Variants in KATNAL1 observed in about 807,000 individuals in gnomAD.
KATNAL1 encodes the protein katanin catalytic subunit A1 like 1, also known as katanin p60 ATPase-containing subunit A-like 1.
Under a neutral mutation model 55.2 loss-of-function variants are expected in KATNAL1, and 32 were observed. The ratio of observed to expected loss-of-function variants is 0.58; its 90% CI spans 0.44 to 0.78. The LOEUF (loss-of-function observed/expected upper bound fraction) is 0.78, where lower values mean the gene tolerates loss of function less well. Ranked by LOEUF, KATNAL1 falls within the 30% of genes least tolerant of loss-of-function variation. The pLI is 0.00. For synonymous variants in KATNAL1, 193 were observed against 193.6 expected, an observed-to-expected ratio of 1.00 and a Z score of 0.02; for missense variants, 466 against 600.9, an observed-to-expected ratio of 0.78 and a Z score of 2.35.
In KATNAL1 at chr13:30,258,897, G is replaced by T. The variant is rs547054197; in HGVS notation, c.324-3282C>A. Among the ~76,000 whole-genome samples, 137 of 152,088 alleles carry T rather than the reference G, an allele frequency of 9.0e-4. 1 individual carries two copies. The highest frequency in any genetic ancestry group is 3.2e-3 in the African/African-American group (132 of 41,472). On this transcript the variant is annotated intron_variant, in intron 3 of 10. Transcript: ENST00000380615. ...AATTTAATCATTAAGGATAACTTCTGGTTCTAAAAAGGACTTTAGAATTTT... is the reference window on the plus strand; with the variant it reads ...AATTTAATCATTAAGGATAACTTCTTGTTCTAAAAAGGACTTTAGAATTTT...
chr13:30,291,431 GAT>G lies in KATNAL1; in HGVS notation c.-14-7642_-14-7641del, dbSNP rs555299299. Among the ~76,000 whole-genome samples the G allele has an allele frequency of 7.2e-5, 11 of 152,300 alleles. No individual in the cohort carries two copies. The South Asian group carries it at 2.3e-3, about 32-fold the overall frequency. On this transcript the variant is annotated intron_variant, in intron 1 of 10. Coordinates refer to ENST00000380615, the MANE Select transcript of KATNAL1 (RefSeq NM_032116.5). Reference sequence around the variant, plus strand: ...GAATTAAAGATGACCTAAATTAATAGATATGTGTGTATGTGTTTATGAATAAA... The same window carrying G: ...GAATTAAAGATGACCTAAATTAATAGATGTGTGTATGTGTTTATGAATAAA...
At chr13:30,287,050 T>C (rs1881835187) in intron 1 of KATNAL1, among the ~76,000 whole-genome samples, 2 of 152,160 alleles carry the variant, frequency 1.3e-5, no homozygotes, top group African/African-American at 2.4e-5. Flanking sequence ...TAACTTGCTT[T>C]TGAAGCAGGC....
At chr13:30,262,194 G>T (rs867728312) in intron 3 of KATNAL1, among the ~76,000 whole-genome samples, 1,524 of 151,616 alleles carry the variant, frequency 0.01, 23 homozygotes, top group African/African-American at 0.034. Context: ...CAACATACCA[G>T]AATCTCTGGG....
chr13:30,223,325 C>T (rs142088606), intron 9 of KATNAL1, among the ~76,000 whole-genome samples: 5 of 150,432 alleles, frequency 3.3e-5, no homozygotes, highest in African/African-American at 7.3e-5. Flanking sequence ...GCCTGTGGTC[C>T]CAGCTACTCG....
intron 3 of KATNAL1, 141 bp from the exon 4 acceptor site, chr13:30,255,756 G>A (rs1476832350): frequency 1.4e-6 from 1 of 700,334 alleles, no homozygotes; most frequent in African/African-American, 1.9e-5. Flanking sequence ...CCAATTCATG[G>A]CCACAACTAT....
At chr13:30,272,615 TTC>T (rs1555265312) in intron 3 of KATNAL1, among the ~76,000 whole-genome samples, 1 of 152,094 alleles carries the variant, frequency 6.6e-6, no homozygotes, top group Non-Finnish European at 1.5e-5. Context: ...GAATTATAAT[TTC>T]TGTCTTTCAG....
At chr13:30,234,942 T>C (rs1029237769) in intron 6 of KATNAL1, among the ~76,000 whole-genome samples, 1 of 152,138 alleles carries the variant, frequency 6.6e-6, no homozygotes, top group Non-Finnish European at 1.5e-5. Context: ...GCCCCCTATA[T>C]AGTTTATGCC....
chr13:30,301,903 ACT>A (rs1414186411), intron 1 of KATNAL1, among the ~76,000 whole-genome samples: 5 of 152,072 alleles, frequency 3.3e-5, no homozygotes, highest in Admixed American at 3.3e-4. Context: ...GCAAGGTCTC[ACT>A]CTGTCGCCCA....
intron 9 of KATNAL1, among the ~76,000 whole-genome samples, chr13:30,219,503 A>G (rs1258297959): frequency 6.6e-6 from 1 of 152,224 alleles, no homozygotes; most frequent in African/African-American, 2.4e-5. Context: ...GTTTTACTGC[A>G]GTTAGGGTAA....
At chr13:30,259,991 G>A (rs2137474218) in intron 3 of KATNAL1, among the ~76,000 whole-genome samples, 1 of 152,348 alleles carries the variant, frequency 6.6e-6, no homozygotes, top group South Asian at 2.1e-4. Flanking sequence ...GCTTTGAAGA[G>A]AGCAGTGGTT....
At chr13:30,252,500 G>A (rs901276371) in intron 4 of KATNAL1, among the ~76,000 whole-genome samples, 3 of 151,988 alleles carry the variant, frequency 2.0e-5, no homozygotes, top group Non-Finnish European at 4.4e-5. Context: ...TTCTGACCCA[G>A]GCACAAAGTA....
chr13:30,274,871 C>G (rs1049247733), intron 3 of KATNAL1, among the ~76,000 whole-genome samples: 1 of 143,728 alleles, frequency 7.0e-6, no homozygotes, highest in African/African-American at 2.5e-5. Context: ...ATGTTGGGGG[C>G]GGGGTGTGTG....
At chr13:30,222,474 T>C (rs1874970178) in intron 9 of KATNAL1, among the ~76,000 whole-genome samples, 1 of 152,202 alleles carries the variant, frequency 6.6e-6, no homozygotes. Flanking sequence ...GTTCTGTTTC[T>C]CTGCAGGACT....
At chr13:30,284,896 C>A (rs1593948377) in intron 1 of KATNAL1, among the ~76,000 whole-genome samples, 1 of 152,056 alleles carries the variant, frequency 6.6e-6, no homozygotes, top group Non-Finnish European at 1.5e-5. Context: ...AAAAGAATAG[C>A]AAGTCCAGAG....
At chr13:30,248,171 C>G (rs1036225624) in intron 4 of KATNAL1, among the ~76,000 whole-genome samples, 1 of 152,164 alleles carries the variant, frequency 6.6e-6, no homozygotes, top group Admixed American at 6.5e-5. Context: ...TATTAGTCTT[C>G]TGAATAAGAG....
intron 4 of KATNAL1, among the ~76,000 whole-genome samples, chr13:30,242,569 AGCCAGTAT>A (rs1234745429): frequency 6.6e-6 from 1 of 152,216 alleles, no homozygotes; most frequent in Non-Finnish European, 1.5e-5. Context: ...AAACCTGAGT[AGCCAGTAT>A]AATAAAATGT....
At chr13:30,249,965 A>T (rs55888344) in intron 4 of KATNAL1, among the ~76,000 whole-genome samples, 1,890 of 152,292 alleles carry the variant, frequency 0.012, 41 homozygotes, top group African/African-American at 0.044. Flanking sequence ...TTGTATTTTT[A>T]AAAAAGGAAA....
intron 3 of KATNAL1, among the ~76,000 whole-genome samples, chr13:30,272,693 C>T (rs987022134): frequency 1.3e-5 from 2 of 151,840 alleles, no homozygotes; most frequent in South Asian, 4.2e-4. Context: ...TATTGTATTA[C>T]ATACCTAGAA....
In KATNAL1 at chr13:30,243,798, G is replaced by A. The variant is rs554345626; in HGVS notation, c.493-2712C>T. Among the ~76,000 whole-genome samples, 3 of 152,148 alleles carry A rather than the reference G, an allele frequency of 2.0e-5. No individual in the cohort carries two copies. The South Asian group carries it at 6.2e-4, about 32-fold the overall frequency. ...AAAAATCACTGGGTCATAGTCACACGGATGTCTAAGCTTAATTATAGCTGA... is the reference window on the plus strand; with the variant it reads ...AAAAATCACTGGGTCATAGTCACACAGATGTCTAAGCTTAATTATAGCTGA... On this transcript the variant is annotated intron_variant, in intron 4 of 10. Coordinates refer to ENST00000380615, the MANE Select transcript of KATNAL1 (RefSeq NM_032116.5).
Sources: gnomAD v4.1 joint callset for allele counts (sites outside exome capture counted in the v4.1 genomes callset) on GRCh38, gnomAD v4.1.1 for gene constraint, MANE v1.5 for transcripts, NCBI Gene and HGNC (gene_info 2026-07-23, HGNC 2026-07-21) for gene names.